Variants in ADAMTS2 observed in about 807,000 individuals in gnomAD.
ADAMTS2 encodes the protein A disintegrin and metalloproteinase with thrombospondin motifs 2.
ADAMTS2 carries 50 observed loss-of-function variants against 123.0 expected under a neutral mutation model. The observed-to-expected ratio is 0.41, with a 90% confidence interval of 0.32 to 0.51. ADAMTS2 has a LOEUF of 0.51. Ranked by LOEUF, ADAMTS2 falls within the 20% of genes least tolerant of loss-of-function variation. ADAMTS2 has a pLI of 0.35. For missense variants in ADAMTS2, 1,494 were observed against 1,705.2 expected (o/e 0.88, Z 2.18); for synonymous variants, 678 against 695.4 (o/e 0.98, Z 0.39).
chr5:179,278,484 C>T (rs531654133), intron 2 of ADAMTS2, among the ~76,000 whole-genome samples: 3 of 152,118 alleles, frequency 2.0e-5, no homozygotes, highest in African/African-American at 4.8e-5. Flanking sequence ...AATCAGTTTC[C>T]TCTCCCCACT....
intron 1 of ADAMTS2, among the ~76,000 whole-genome samples, chr5:179,344,681 G>T (rs1031572971): frequency 1.3e-5 from 2 of 152,208 alleles, no homozygotes; most frequent in Non-Finnish European, 2.9e-5. Context: ...TGCCTGTCCA[G>T]CTCCCGCTCA....
At chr5:179,326,203 T>TGC (rs1201519065) in intron 2 of ADAMTS2, among the ~76,000 whole-genome samples, 4 of 64,196 alleles carry the variant, frequency 6.2e-5, no homozygotes, top group Non-Finnish European at 1.5e-4. Flanking sequence ...TGTGTGTGCG[T>TGC]GTGTGTGTGT....
intron 5 of ADAMTS2, among the ~76,000 whole-genome samples, chr5:179,173,248 A>AT (rs1763862875): frequency 1.3e-5 from 2 of 150,706 alleles, no homozygotes; most frequent in African/African-American, 4.9e-5. Context: ...AATAATAATA[A>AT]AAACCATGCT....
At position 179,277,541 on chromosome 5, in the gene ADAMTS2, GACCAAAGGCTGACCCCCCCGCGAA is replaced by G. The variant is rs1414540190; in HGVS notation, c.535-4501_535-4478del. On this transcript the variant is annotated intron_variant, in intron 2 of 21. Transcript: ENST00000251582. ...AGAGACCAAAGGCTGACCCCCCCGA[GACCAAAGGCTGACCCCCCCGCGAA>G]ACCAAAGGCTGACCCCCCACCCGAG... Among the ~76,000 whole-genome samples the G allele has an allele frequency of 1.7e-4, 4 of 23,916 alleles. 1 individual carries two copies. The highest frequency in any genetic ancestry group is 3.7e-4 in the African/African-American group (2 of 5,442). 15.7% of individuals were successfully genotyped at this position (23,916 alleles called of 152,430 possible).
At chr5:179,321,453 G>A (rs953434362) in intron 2 of ADAMTS2, among the ~76,000 whole-genome samples, 11 of 152,116 alleles carry the variant, frequency 7.2e-5, no homozygotes, top group Non-Finnish European at 1.5e-5. Flanking sequence ...CTTGGCTGCT[G>A]GGCCTGATGC....
intron 2 of ADAMTS2, among the ~76,000 whole-genome samples, chr5:179,320,843 C>A (rs956548820): frequency 9.9e-5 from 15 of 152,158 alleles, no homozygotes; most frequent in Non-Finnish European, 2.1e-4. Context: ...AAAGCTGTTT[C>A]CCCCGGGTTG....
In ADAMTS2 at chr5:179,121,529, G is replaced by A. The variant is rs1484111682; in HGVS notation, c.3178+132C>T. ...GAGCTCAGAGGCCCGGGAGAAAACG[G>A]TCACCCCAGAGCGCGCCCGCAGAGT... On this transcript the variant is annotated intron_variant, in intron 21 of 21. Coordinates refer to ENST00000251582, the MANE Select transcript of ADAMTS2 (RefSeq NM_014244.5). The A allele has an allele frequency of 4.6e-6, 3 of 650,282 alleles. No homozygotes were observed. In the East Asian group the frequency reaches 9.1e-5, roughly 20 times the overall value. The allele number at this position is 650,282 out of a possible 1,614,324, so 40.3% of individuals were successfully genotyped here.
chr5:179,119,884 GA>G (rs1561764943), intron 21 of ADAMTS2, among the ~76,000 whole-genome samples: 1 of 152,154 alleles, frequency 6.6e-6, no homozygotes, highest in Non-Finnish European at 1.5e-5. Flanking sequence ...CCTCCATATA[GA>G]ACCTAGATAT....
rs551603185 is a variant in ADAMTS2, at chr5:179,321,689, G to A, written c.534+22078C>T. On this transcript the variant is annotated intron_variant, in intron 2 of 21. Transcript: ENST00000251582. ...CCTCCATACAGAGCGCTCCCAACCC[G>A]AATTCTACCCAGACCTTGCCCCTGC... 1.9e-3 allele frequency among the ~76,000 whole-genome samples: 198 copies of A among 106,706 alleles called. 1 individual carries two copies. Among genetic ancestry groups the A allele is most frequent in the Non-Finnish European group, 2.8e-3 (160 of 56,146 alleles). The allele number at this position is 106,706 out of a possible 152,430, so 70.0% of individuals were successfully genotyped here. A position where few individuals can be genotyped will look rare whatever the true frequency, so the allele number is the denominator to read the frequency against.
chr5:179,334,762 G>A (rs1462232174), intron 2 of ADAMTS2, among the ~76,000 whole-genome samples: 1 of 152,128 alleles, frequency 6.6e-6, no homozygotes, highest in Non-Finnish European at 1.5e-5. Flanking sequence ...ATAAAAGATA[G>A]TTCTATAAAA....
chr5:179,259,589 G>A (rs340124), intron 3 of ADAMTS2, among the ~76,000 whole-genome samples: 68,182 of 152,202 alleles, frequency 0.45, 16,181 homozygotes, highest in East Asian at 0.91. Flanking sequence ...GGCAGAGGCT[G>A]GGATTCACGC....
At chr5:179,125,250 C>A (rs578141907) in intron 18 of ADAMTS2, 70 bp from the exon 19 acceptor site, 3 of 1,457,368 alleles carry the variant, frequency 2.1e-6, no homozygotes, top group South Asian at 1.1e-5. Context: ...TGAGCTCCAG[C>A]GCCGCTCCCT....
chr5:179,251,873 T>C lies in ADAMTS2; in HGVS notation c.688+21038A>G, dbSNP rs139164121. Among the ~76,000 whole-genome samples the C allele has an allele frequency of 5.7e-3, 860 of 152,188 alleles. 11 individuals are homozygous for C. Among genetic ancestry groups the C allele is most frequent in the African/African-American group, 0.02 (822 of 41,508 alleles). On this transcript the variant is annotated intron_variant, in intron 3 of 21. Coordinates refer to ENST00000251582, the MANE Select transcript of ADAMTS2 (RefSeq NM_014244.5). ...CACTTTTTTTTTAATGCAGAGATTGTCTGCAGAATTACCTATTTTTGACTT... is the reference window on the plus strand; with the variant it reads ...CACTTTTTTTTTAATGCAGAGATTGCCTGCAGAATTACCTATTTTTGACTT...
At chr5:179,205,051 T>C (rs1205658360) in intron 4 of ADAMTS2, among the ~76,000 whole-genome samples, 2 of 152,258 alleles carry the variant, frequency 1.3e-5, no homozygotes, top group African/African-American at 2.4e-5. Context: ...TTCTCATGCT[T>C]TTCTAGAAAC....
chr5:179,116,934 G>A (rs1297094871), intron 21 of ADAMTS2, among the ~76,000 whole-genome samples: 1 of 152,196 alleles, frequency 6.6e-6, no homozygotes, highest in Non-Finnish European at 1.5e-5. Context: ...GTGCCAAGGA[G>A]GAAGGGGGAG....
At chr5:179,321,190 C>T (rs150533000) in intron 2 of ADAMTS2, among the ~76,000 whole-genome samples, 61 of 152,272 alleles carry the variant, frequency 4.0e-4, no homozygotes, top group African/African-American at 1.5e-3. Flanking sequence ...GATCCTCATC[C>T]TCGGTCCCTG....
intron 2 of ADAMTS2, among the ~76,000 whole-genome samples, chr5:179,334,295 G>A (rs916685686): frequency 1.3e-5 from 2 of 152,150 alleles, no homozygotes; most frequent in African/African-American, 4.8e-5. Context: ...ATGGGGACTG[G>A]GTTTCATTCC....
chr5:179,181,263 C>A lies in ADAMTS2; in HGVS notation c.892-108G>T. ...CTCCTTCTTCTTCCCATGCTTTCCA[C>A]CCAGGCGTCACCATCAACTAGGAGC... On this transcript the variant is annotated intron_variant, in intron 4 of 21. Transcript: ENST00000251582. The surrounding 1 kb of genome is among the most constrained non-coding windows in gnomAD (Gnocchi z 4.1). The A allele has an allele frequency of 1.2e-6, 1 of 832,398 alleles. No individual in the cohort carries two copies. The highest frequency in any genetic ancestry group is 2.0e-6 in the Non-Finnish European group (1 of 490,614). The allele number at this position is 832,398 out of a possible 1,614,324, so 51.6% of individuals were successfully genotyped here. A position where few individuals can be genotyped will look rare whatever the true frequency, so the allele number is the denominator to read the frequency against.
At chr5:179,327,768 G>A (rs1214018354) in intron 2 of ADAMTS2, among the ~76,000 whole-genome samples, 1 of 152,200 alleles carries the variant, frequency 6.6e-6, no homozygotes, top group Non-Finnish European at 1.5e-5. Flanking sequence ...AGCGGGGCTA[G>A]ATGCTCTGAA....
Sources: gnomAD v4.1 joint callset for allele counts (sites outside exome capture counted in the v4.1 genomes callset) on GRCh38, gnomAD v4.1.1 for gene constraint, Gnocchi (gnomAD v3.1) non-coding constraint, MANE v1.5 for transcripts, NCBI Gene and HGNC (gene_info 2026-07-23, HGNC 2026-07-21) for gene names.